The following PRICKLE2 variants were observed in gnomAD, a reference collection of about 807,000 sequenced individuals.
PRICKLE2 encodes prickle planar cell polarity protein 2, also known as prickle-like protein 2.
A neutral mutation model predicts 81.4 loss-of-function variants in PRICKLE2; 21 were observed. The ratio of observed to expected loss-of-function variants is 0.26; its 90% CI spans 0.18 to 0.37. The LOEUF (loss-of-function observed/expected upper bound fraction) is 0.37. Among genes scored for constraint, PRICKLE2 ranks in the 10% least tolerant of loss-of-function variants. The pLI is 1.00. For missense variants in PRICKLE2, 940 were observed against 1,109.0 expected, an observed-to-expected ratio of 0.85 and a Z score of 2.16; for synonymous variants, 456 against 421.5, an observed-to-expected ratio of 1.08 and a Z score of -1.00.
In PRICKLE2 at chr3:64,147,762, G is replaced by A. The variant is rs1490450839; in HGVS notation, c.788-60C>T. On this transcript the variant is annotated intron_variant, in intron 6 of 7. Coordinates refer to ENST00000638394, the MANE Select transcript of PRICKLE2 (RefSeq NM_198859.4). The surrounding 1 kb of genome is among the most constrained non-coding windows in gnomAD (Gnocchi z 5.0). ...GCTGCTCAGAGCTCTGCACTGGGAC[G>A]TGAAACACATAGCACCTTGGTTTGT... The A allele has an allele frequency of 1.8e-5, 29 of 1,579,218 alleles. No individual in the cohort carries two copies. The highest frequency in any genetic ancestry group is 6.7e-5 in the Admixed American group (4 of 59,954).
At chr3:64,120,264 G>T (rs1233366213) in intron 7 of PRICKLE2, among the ~76,000 whole-genome samples, 1 of 152,144 alleles carries the variant, frequency 6.6e-6, no homozygotes, top group South Asian at 2.1e-4. Flanking sequence ...TGGAATAAAG[G>T]TCTTAGGTAA....
chr3:64,108,828 CAG>C (rs2076797894), intron 7 of PRICKLE2, among the ~76,000 whole-genome samples: 1 of 152,150 alleles, frequency 6.6e-6, no homozygotes, highest in Admixed American at 6.5e-5. Context: ...TTCCCAACCT[CAG>C]TACTACTGAC....
chr3:64,199,144 G>A (rs1406894858), intron 1 of PRICKLE2, 177 bp from the exon 2 acceptor site: 8 of 648,424 alleles, frequency 1.2e-5, no homozygotes, highest in Non-Finnish European at 2.2e-5. Context: ...AGAGGGCGTG[G>A]TACACGCATG....
At chr3:64,251,091 G>C (rs533162443) in intron 2 of PRICKLE2, among the ~76,000 whole-genome samples, 1 of 152,284 alleles carries the variant, frequency 6.6e-6, no homozygotes, top group East Asian at 1.9e-4. Flanking sequence ...TATGCAAATA[G>C]GTGCTCAATA....
At chr3:64,265,844 C>G (rs577786946) in intron 2 of PRICKLE2, among the ~76,000 whole-genome samples, 7 of 152,204 alleles carry the variant, frequency 4.6e-5, no homozygotes, top group African/African-American at 1.7e-4. Flanking sequence ...GAAAAGAAGC[C>G]AAGAGTTTTT....
intron 2 of PRICKLE2, among the ~76,000 whole-genome samples, chr3:64,168,419 G>A (rs26933): frequency 0.86 from 130,065 of 152,114 alleles, 57,008 homozygotes; most frequent in East Asian, 0.96. Flanking sequence ...AAGAAAGTTT[G>A]TGCATTTCTG....
In PRICKLE2 at chr3:64,147,143, G is replaced by A; in HGVS notation, c.1347C>T (p.Pro449=). ...TCATGGCCAGTGACGAGCTCCTTTT[G>A]GGGTTGCTGAAGTGCTTGCCCCACA... ...PEMWGKHFSN[P]KRSSSLAMTG... Residue 449 remains proline (P), a synonymous_variant, in exon 7 of 8, where the codon CCC becomes CCT. Transcript: ENST00000638394. This position sits in a 1 kb window ranked among gnomAD's most constrained non-coding sequence, Gnocchi z 5.0. 6.2e-7 allele frequency: 1 copy of A among 1,614,130 alleles called. No homozygotes were observed. Among genetic ancestry groups the A allele is most frequent in the Non-Finnish European group, 8.5e-7 (1 of 1,180,022 alleles).
intron 2 of PRICKLE2, among the ~76,000 whole-genome samples, chr3:64,233,856 T>C (rs960720151): frequency 4.6e-5 from 7 of 152,194 alleles, no homozygotes; most frequent in African/African-American, 1.7e-4. Flanking sequence ...GCTCCAGGCC[T>C]AGGCAAACAC....
intron 7 of PRICKLE2, chr3:64,100,554 G>C (rs2076642810): frequency 6.5e-6 from 1 of 152,826 alleles, no homozygotes. Flanking sequence ...TTCAGTGAAT[G>C]CTCCAAGGTT....
At chr3:64,221,001 G>A (rs1398132460) in intron 1 of PRICKLE2, among the ~76,000 whole-genome samples, 1 of 152,158 alleles carries the variant, frequency 6.6e-6, no homozygotes. Flanking sequence ...AGGGTTTTCG[G>A]ATTTAAAATG....
chr3:64,103,184 T>C (rs926097274), intron 7 of PRICKLE2: 19 of 152,356 alleles, frequency 1.2e-4, no homozygotes, highest in Non-Finnish European at 5.9e-5. Context: ...TGGAAACATC[T>C]GGACACATTT....
chr3:64,206,246 T>C (rs2078687358), intron 1 of PRICKLE2, among the ~76,000 whole-genome samples: 2 of 152,154 alleles, frequency 1.3e-5, no homozygotes, highest in Admixed American at 1.3e-4. Flanking sequence ...CTGGTGATTG[T>C]GATGCAGCCG....
intron 1 of PRICKLE2, among the ~76,000 whole-genome samples, chr3:64,211,130 T>A (rs911108779): frequency 6.6e-6 from 1 of 152,158 alleles, no homozygotes; most frequent in Admixed American, 6.5e-5. Flanking sequence ...TGAAGACCAC[T>A]CCTTGGTGCT....
chr3:64,242,783 T>G (rs2079286573), intron 2 of PRICKLE2, among the ~76,000 whole-genome samples: 1 of 152,258 alleles, frequency 6.6e-6, no homozygotes, highest in Non-Finnish European at 1.5e-5. Context: ...AATGGCAATC[T>G]GTGCACCCTG....
At chr3:64,118,570 A>G (rs2076976187) in intron 7 of PRICKLE2, among the ~76,000 whole-genome samples, 1 of 152,188 alleles carries the variant, frequency 6.6e-6, no homozygotes, top group Non-Finnish European at 1.5e-5. Context: ...AAGAAGGCAT[A>G]TATGTGGCCA....
chr3:64,189,650 G>A (rs1319314446), intron 2 of PRICKLE2, among the ~76,000 whole-genome samples: 1 of 152,188 alleles, frequency 6.6e-6, no homozygotes, highest in African/African-American at 2.4e-5. Flanking sequence ...GATTAAATGG[G>A]ACTGTTTATT....
At chr3:64,150,745 G>C (rs2107022094) in intron 6 of PRICKLE2, among the ~76,000 whole-genome samples, 1 of 152,298 alleles carries the variant, frequency 6.6e-6, no homozygotes, top group African/African-American at 2.4e-5. Context: ...GCTTTGGCAA[G>C]CACACATGCT....
At chr3:64,201,612 A>G (rs2078581881) in intron 1 of PRICKLE2, among the ~76,000 whole-genome samples, 1 of 152,112 alleles carries the variant, frequency 6.6e-6, no homozygotes, top group Non-Finnish European at 1.5e-5. Context: ...TTGAGTTATA[A>G]GCTTTCTTCA....
intron 2 of PRICKLE2, among the ~76,000 whole-genome samples, chr3:64,231,842 A>C (rs1010785624): frequency 2.0e-5 from 3 of 152,202 alleles, no homozygotes; most frequent in Admixed American, 2.0e-4. Context: ...AAGAGGATAA[A>C]AGAATGATGC....
Sources: allele counts gnomAD v4.1 joint callset (sites outside exome capture counted in the v4.1 genomes callset), GRCh38; gene constraint gnomAD v4.1.1; non-coding constraint Gnocchi (gnomAD v3.1); transcripts MANE v1.5; gene names NCBI Gene and HGNC (gene_info 2026-07-23, HGNC 2026-07-21).